The following MFHAS1 variants were observed in gnomAD, a reference collection of about 807,000 sequenced individuals.
MFHAS1 encodes the protein multifunctional ROCO family signaling regulator 1.
A neutral mutation model predicts 70.4 loss-of-function variants in MFHAS1; 50 were observed. The observed-to-expected ratio is 0.71, with a 90% CI of 0.57 to 0.90. MFHAS1 has a LOEUF of 0.90. Ranked by LOEUF, MFHAS1 falls within the 40% of genes least tolerant of loss-of-function variation. The pLI is 0.00. For missense variants in MFHAS1, 1,795 were observed against 1,347.6 expected, an observed-to-expected ratio of 1.33 and a Z score of -5.20; for synonymous variants, 952 against 620.0, an observed-to-expected ratio of 1.54 and a Z score of -7.96.
chr8:8,843,633 G>A (rs1052914515), intron 1 of MFHAS1, among the ~76,000 whole-genome samples: 15 of 152,108 alleles, frequency 9.9e-5, no homozygotes, highest in Middle Eastern at 3.2e-3. Context: ...AGCAGGGAGC[G>A]GGGTCTGTTT....
intron 1 of MFHAS1, among the ~76,000 whole-genome samples, chr8:8,845,894 A>G (rs923020808): frequency 6.6e-6 from 1 of 151,982 alleles, no homozygotes; most frequent in Non-Finnish European, 1.5e-5. Flanking sequence ...CTTTGTCTTT[A>G]CCTCTTTCTC....
At chr8:8,817,058 A>G (rs1321017074) in intron 1 of MFHAS1, among the ~76,000 whole-genome samples, 1 of 152,214 alleles carries the variant, frequency 6.6e-6, no homozygotes, top group Non-Finnish European at 1.5e-5. Flanking sequence ...AAGAGACACC[A>G]AGGCTAAGGG....
intron 1 of MFHAS1, among the ~76,000 whole-genome samples, chr8:8,848,469 T>C (rs1208127311): frequency 6.6e-6 from 1 of 150,548 alleles, no homozygotes; most frequent in Non-Finnish European, 1.5e-5. Flanking sequence ...GGAATAAAAG[T>C]GAAAGCCATT....
chr8:8,856,053 T>C (rs932471019), intron 1 of MFHAS1, among the ~76,000 whole-genome samples: 2 of 152,140 alleles, frequency 1.3e-5, no homozygotes, highest in African/African-American at 4.8e-5. Flanking sequence ...GGGGACTGAA[T>C]GTTTACCTGT....
chr8:8,796,752 T>C (rs1805915230), intron 2 of MFHAS1, among the ~76,000 whole-genome samples: 2 of 144,488 alleles, frequency 1.4e-5, no homozygotes. Context: ...TCCCAGCACT[T>C]TGGGAGGCCA....
At chr8:8,866,826 AT>A (rs1808876956) in intron 1 of MFHAS1, among the ~76,000 whole-genome samples, 1 of 152,232 alleles carries the variant, frequency 6.6e-6, no homozygotes, top group Non-Finnish European at 1.5e-5. Flanking sequence ...CTAACAAGCA[AT>A]TACCTTGAGG....
rs946118461 is a variant in MFHAS1, at chr8:8,819,908, G to A, written c.2999-22417C>T. Reference sequence around the variant, plus strand: ...AGAGACGGGGTCTTTACATTACCCAGGCTGGTCTCAAACTCCTGAGTTCAA... The same window carrying A: ...AGAGACGGGGTCTTTACATTACCCAAGCTGGTCTCAAACTCCTGAGTTCAA... On this transcript the variant is annotated intron_variant, in intron 1 of 2. Coordinates refer to ENST00000276282, the MANE Select transcript of MFHAS1 (RefSeq NM_004225.3). Among the ~76,000 whole-genome samples the A allele has an allele frequency of 5.3e-5, 8 of 152,192 alleles. No individual in the cohort carries two copies. In the South Asian group the frequency reaches 6.2e-4, roughly 12 times the overall value.
At position 8,892,907 on chromosome 8, in the gene MFHAS1, G is replaced by A; in HGVS notation, c.152C>T (p.Pro51Leu). ...PGAGADALES[P>L]ASPQLVLPAN... The stretch of plus-strand genomic sequence containing the variant: ...CGGCAGCACGAGCTGGGGGGAGGCG[G>A]GGGACTCGAGCGCGTCGGCCCCGGC... Residue 51 changes from proline to leucine, a missense_variant, in exon 1 of 3, where the codon CCC (proline) becomes CTC (leucine). Physicochemically the swap from Pro to Leu is moderately conservative, Grantham distance 98. Transcript: ENST00000276282. The surrounding 1 kb of genome is among the most constrained non-coding windows in gnomAD (Gnocchi z 4.7). 6.4e-7 allele frequency: 1 copy of A among 1,567,362 alleles called. No individual in the cohort carries two copies. Among genetic ancestry groups the A allele is most frequent in the Non-Finnish European group, 8.6e-7 (1 of 1,159,524 alleles).
chr8:8,839,903 G>A (rs1285536684), intron 1 of MFHAS1, among the ~76,000 whole-genome samples: 1 of 151,904 alleles, frequency 6.6e-6, no homozygotes, highest in African/African-American at 2.4e-5. Flanking sequence ...AGTATTTCCA[G>A]AGCTTTAATA....
intron 1 of MFHAS1, among the ~76,000 whole-genome samples, chr8:8,802,120 A>G (rs536231486): frequency 1.4e-4 from 22 of 152,358 alleles, no homozygotes; most frequent in African/African-American, 5.3e-4. Flanking sequence ...TACTGGCTTA[A>G]TGTTGTTTAT....
At chr8:8,833,337 A>G (rs1807478413) in intron 1 of MFHAS1, among the ~76,000 whole-genome samples, 1 of 152,210 alleles carries the variant, frequency 6.6e-6, no homozygotes. Flanking sequence ...CTTCCTATAA[A>G]GCTAGACATG....
At chr8:8,808,612 G>A (rs914993030) in intron 1 of MFHAS1, among the ~76,000 whole-genome samples, 3 of 152,192 alleles carry the variant, frequency 2.0e-5, no homozygotes, top group East Asian at 1.9e-4. Context: ...AATATTCTGT[G>A]AAACTGTGAA....
At position 8,783,701 on chromosome 8, in the gene MFHAS1, T is replaced by G. The variant is rs1223424688; in HGVS notation, c.*2321A>C. ...ATTTGTTTGAGAGGCAAGGGACGCC[T>G]TGCTTAGAAAACATTCCTCTTGTGC... On this transcript the variant is annotated 3_prime_UTR_variant, in exon 3 of 3. Coordinates refer to ENST00000276282, the MANE Select transcript of MFHAS1 (RefSeq NM_004225.3). 1 of 152,208 alleles carries G rather than the reference T, an allele frequency of 6.6e-6. No individual in the cohort carries two copies. The highest frequency in any genetic ancestry group is 1.5e-5 in the Non-Finnish European group (1 of 68,032). 9.4% of individuals were successfully genotyped at this position (152,208 alleles called of 1,614,324 possible). A position where few individuals can be genotyped will look rare whatever the true frequency, so the allele number is the denominator to read the frequency against.
chr8:8,785,855 C>G lies in MFHAS1; in HGVS notation c.*167G>C. The G allele has an allele frequency of 2.3e-6, 1 of 443,566 alleles. No homozygotes were observed. The highest frequency in any genetic ancestry group is 2.4e-5 in the South Asian group (1 of 42,336). The allele number at this position is 443,566 out of a possible 1,614,324, so 27.5% of individuals were successfully genotyped here. On this transcript the variant is annotated 3_prime_UTR_variant, in exon 3 of 3. Coordinates refer to ENST00000276282, the MANE Select transcript of MFHAS1 (RefSeq NM_004225.3). ...TCGTCCATGCTTCCCCCCACCACCCCCTCCCCACCTCTTCCCCAGTCGTCC... is the reference window on the plus strand; with the variant it reads ...TCGTCCATGCTTCCCCCCACCACCCGCTCCCCACCTCTTCCCCAGTCGTCC...
chr8:8,811,826 C>T (rs1264001009), intron 1 of MFHAS1, among the ~76,000 whole-genome samples: 5 of 152,182 alleles, frequency 3.3e-5, no homozygotes, highest in African/African-American at 4.8e-5. Flanking sequence ...TGCCCTCAAG[C>T]GTGTGGTTCT....
intron 1 of MFHAS1, among the ~76,000 whole-genome samples, chr8:8,885,170 A>G (rs1809705815): frequency 6.6e-6 from 1 of 152,178 alleles, no homozygotes; most frequent in South Asian, 2.1e-4. Context: ...CGTGTGCAAG[A>G]AACTGAGGGA....
intron 1 of MFHAS1, among the ~76,000 whole-genome samples, chr8:8,848,386 C>G (rs564148092): frequency 1.2e-3 from 158 of 133,610 alleles, no homozygotes; most frequent in African/African-American, 4.0e-3. Context: ...CCAGTCAGGC[C>G]TAAAGAGGAA....
intron 1 of MFHAS1, among the ~76,000 whole-genome samples, chr8:8,823,063 C>T (rs117268422): frequency 1.3e-5 from 2 of 152,104 alleles, no homozygotes; most frequent in African/African-American, 4.8e-5. Context: ...GAATTCTAGT[C>T]CATACAGAGA....
At chr8:8,883,633 A>G (rs1386522898) in intron 1 of MFHAS1, among the ~76,000 whole-genome samples, 3 of 141,784 alleles carry the variant, frequency 2.1e-5, no homozygotes, top group African/African-American at 5.4e-5. Context: ...ACTTGAACCC[A>G]GGAGGTGGAG....
Sources: allele counts gnomAD v4.1 joint callset (sites outside exome capture counted in the v4.1 genomes callset), GRCh38; gene constraint gnomAD v4.1.1; non-coding constraint Gnocchi (gnomAD v3.1); transcripts MANE v1.5; gene names NCBI Gene and HGNC (gene_info 2026-07-23, HGNC 2026-07-21).